Variants in SCHIP1 observed in about 807,000 individuals in gnomAD.
SCHIP1 encodes the protein schwannomin interacting protein 1, also known as schwannomin-interacting protein 1.
Under a neutral mutation model 29.7 loss-of-function variants are expected in SCHIP1, and 8 were observed. That is an observed-to-expected ratio of 0.27 (90% CI 0.16 to 0.49). The LOEUF (loss-of-function observed/expected upper bound fraction) is 0.49. Among genes scored for constraint, SCHIP1 ranks in the 20% least tolerant of loss-of-function variants. The pLI is 0.99. For missense variants in SCHIP1, 193 were observed against 294.6 expected, an observed-to-expected ratio of 0.66 and a Z score of 2.52; for synonymous variants, 76 against 94.9, an observed-to-expected ratio of 0.80 and a Z score of 1.16.
chr3:159,364,969 T>C, the SCHIP1 span, among the ~76,000 whole-genome samples: 1,422 of 152,296 alleles, frequency 9.3e-3, 24 homozygotes, highest in African/African-American at 0.033. Flanking sequence ...GTTTCAAAAT[T>C]GTTTCAGTGC....
intron 2 of SCHIP1, among the ~76,000 whole-genome samples, chr3:159,875,034 A>C (rs1715658227): frequency 7.2e-6 from 1 of 137,984 alleles, no homozygotes; most frequent in Admixed American, 7.1e-5. Context: ...AAAAAAAAAC[A>C]AAAACTATCA....
the SCHIP1 span, among the ~76,000 whole-genome samples, chr3:159,594,067 T>A: frequency 6.6e-6 from 1 of 152,244 alleles, no homozygotes; most frequent in East Asian, 1.9e-4. Flanking sequence ...CGGTTTCCCC[T>A]GTGTAGGGAA....
the SCHIP1 span, among the ~76,000 whole-genome samples, chr3:159,385,150 T>G: frequency 1.3e-5 from 2 of 152,204 alleles, no homozygotes; most frequent in Non-Finnish European, 2.9e-5. Context: ...AACTTAGATC[T>G]AAGCCACTTG....
chr3:159,306,941 CT>C, the SCHIP1 span, among the ~76,000 whole-genome samples: 1 of 152,064 alleles, frequency 6.6e-6, no homozygotes, highest in Non-Finnish European at 1.5e-5. Flanking sequence ...GTTTATATCC[CT>C]TGACAAAATA....
the SCHIP1 span, among the ~76,000 whole-genome samples, chr3:159,511,518 C>T: frequency 6.6e-6 from 1 of 152,204 alleles, no homozygotes; most frequent in Admixed American, 6.5e-5. Flanking sequence ...GAACTCGGTA[C>T]CTCAGCTGGA....
the SCHIP1 span, among the ~76,000 whole-genome samples, chr3:159,396,833 T>C: frequency 1.6e-4 from 25 of 151,970 alleles, no homozygotes; most frequent in Middle Eastern, 3.4e-3. Context: ...ATCTTTGTGG[T>C]GTTCTCTGTA....
the SCHIP1 span, among the ~76,000 whole-genome samples, chr3:159,694,537 CA>C: frequency 7.7e-4 from 92 of 119,458 alleles, no homozygotes; most frequent in African/African-American, 2.5e-3. Context: ...AAAGAAAAGA[CA>C]AGAAAGAAAG....
chr3:159,439,477 C>T, the SCHIP1 span, among the ~76,000 whole-genome samples: 34 of 152,184 alleles, frequency 2.2e-4, no homozygotes, highest in African/African-American at 7.9e-4. Flanking sequence ...GGGAAACCAC[C>T]CCATGATTCA....
At chr3:159,688,947 A>G in the SCHIP1 span, among the ~76,000 whole-genome samples, 1 of 152,040 alleles carries the variant, frequency 6.6e-6, no homozygotes, top group Non-Finnish European at 1.5e-5. Flanking sequence ...GTTCTGTTCC[A>G]TTGGTCTATA....
chr3:159,610,274 G>A, the SCHIP1 span, among the ~76,000 whole-genome samples: 4 of 152,128 alleles, frequency 2.6e-5, no homozygotes, highest in Admixed American at 1.3e-4. Context: ...AGCAGCAAAC[G>A]ATATAAAATA....
chr3:159,635,701 C>T, the SCHIP1 span, among the ~76,000 whole-genome samples: 1 of 152,268 alleles, frequency 6.6e-6, no homozygotes, highest in African/African-American at 2.4e-5. Context: ...AATGTTTCAG[C>T]TTACTCTCAT....
chr3:159,858,758 C>T (rs1389909496), intron 1 of SCHIP1, among the ~76,000 whole-genome samples: 2 of 152,176 alleles, frequency 1.3e-5, no homozygotes, highest in Admixed American at 1.3e-4. Context: ...GGGTGCCCAT[C>T]CTGGGCTTTA....
chr3:159,602,884 A>G, the SCHIP1 span, among the ~76,000 whole-genome samples: 2 of 152,048 alleles, frequency 1.3e-5, no homozygotes, highest in East Asian at 3.9e-4. Flanking sequence ...AGCAAGCAAC[A>G]CTTCCACAGA....
chr3:159,477,541 T>A, the SCHIP1 span, among the ~76,000 whole-genome samples: 1 of 152,204 alleles, frequency 6.6e-6, no homozygotes, highest in African/African-American at 2.4e-5. Flanking sequence ...ATTAGTGATG[T>A]TGAGCATTTT....
At chr3:159,692,648 C>G in the SCHIP1 span, among the ~76,000 whole-genome samples, 2 of 152,176 alleles carry the variant, frequency 1.3e-5, no homozygotes, top group African/African-American at 2.4e-5. Context: ...AGGTTCTTAG[C>G]TTCCTTGCAT....
chr3:159,411,377 C>T, the SCHIP1 span, among the ~76,000 whole-genome samples: 2 of 152,030 alleles, frequency 1.3e-5, no homozygotes, highest in Non-Finnish European at 2.9e-5. Context: ...ATGCCTGTAA[C>T]AAAATATCTC....
chr3:159,472,853 G>T, the SCHIP1 span, among the ~76,000 whole-genome samples: 1 of 152,174 alleles, frequency 6.6e-6, no homozygotes, highest in Admixed American at 6.6e-5. Flanking sequence ...GCTTCCTGTA[G>T]TTAAGATTCA....
At chr3:159,300,838 C>T in the SCHIP1 span, among the ~76,000 whole-genome samples, 129 of 152,252 alleles carry the variant, frequency 8.5e-4, no homozygotes, top group African/African-American at 2.7e-3. Context: ...TCTCATTGTC[C>T]TTATCATACT....
chr3:159,660,344 T>A, the SCHIP1 span, among the ~76,000 whole-genome samples: 1 of 152,210 alleles, frequency 6.6e-6, no homozygotes, highest in Non-Finnish European at 1.5e-5. Flanking sequence ...TTCCTCATTG[T>A]CTTTTCCCCT....
Sources: allele counts gnomAD v4.1 joint callset (sites outside exome capture counted in the v4.1 genomes callset), GRCh38; gene constraint gnomAD v4.1.1; transcripts MANE v1.5; gene names NCBI Gene and HGNC (gene_info 2026-07-23, HGNC 2026-07-21).